PADI2: variants seen among roughly 807,000 people sequenced by gnomAD.
The protein encoded by PADI2 is protein-arginine deiminase type-2.
Under a neutral mutation model 81.1 loss-of-function variants are expected in PADI2, and 70 were observed. That is an observed-to-expected ratio of 0.86 (90% CI 0.71 to 1.05). The LOEUF is 1.05. PADI2 is among the 50% of genes least tolerant of loss of function. PADI2 has a pLI of 0.00. For synonymous variants in PADI2, 338 were observed against 358.0 expected, an observed-to-expected ratio of 0.94 and a Z score of 0.63; for missense variants, 853 against 889.9, an observed-to-expected ratio of 0.96 and a Z score of 0.53.
At chr1:17,069,654 T>C (rs2078250750) in intron 15 of PADI2, among the ~76,000 whole-genome samples, 2 of 36,808 alleles carry the variant, frequency 5.4e-5, no homozygotes, top group African/African-American at 1.2e-4. Flanking sequence ...TGCGTGCATG[T>C]GTGTTTCTGT....
chr1:17,072,286 T>C (rs904672031), intron 13 of PADI2, among the ~76,000 whole-genome samples: 1 of 152,170 alleles, frequency 6.6e-6, no homozygotes, highest in African/African-American at 2.4e-5. Flanking sequence ...GGTTTATAAC[T>C]GGACAGCAGT....
chr1:17,070,087 C>A lies in PADI2; in HGVS notation c.1764+1G>T. On this transcript the variant is annotated splice_donor_variant, in intron 15 of 15. Coordinates refer to ENST00000375486, the MANE Select transcript of PADI2 (RefSeq NM_007365.3). LOFTEE classifies it high-confidence loss of function. ...GAGGGTTGGGGTCTGCAGGGCCTCA[C>A]CATGTTTGGGAAGAAGGCTCTGGCA... 1 of 1,613,526 alleles carries A rather than the reference C, an allele frequency of 6.2e-7. No homozygotes were observed. Among genetic ancestry groups the A allele is most frequent in the Non-Finnish European group, 8.5e-7 (1 of 1,179,644 alleles).
At position 17,080,632 on chromosome 1, in the gene PADI2, A is replaced by T. The variant is rs75142468; in HGVS notation, c.1159-1217T>A. Among the ~76,000 whole-genome samples, 553 of 152,290 alleles carry T rather than the reference A, an allele frequency of 3.6e-3. 8 individuals carry two copies. The highest frequency in any genetic ancestry group is 0.013 in the African/African-American group (524 of 41,550). On this transcript the variant is annotated intron_variant, in intron 10 of 15. Coordinates refer to ENST00000375486, the MANE Select transcript of PADI2 (RefSeq NM_007365.3). ...ATACATGACATCTCAACCCAGTCTC[A>T]ACCTGCCAGACTTGCCACTGAGCCC...
chr1:17,076,002 A>G (rs2078299831), intron 11 of PADI2, among the ~76,000 whole-genome samples, 179 bp from the exon 12 acceptor site: 1 of 152,156 alleles, frequency 6.6e-6, no homozygotes. Context: ...TTTGAGTCCC[A>G]GGGGAAAGAG....
chr1:17,086,606 A>G lies in PADI2; in HGVS notation c.749T>C (p.Phe250Ser). The G allele has an allele frequency of 6.2e-7, 1 of 1,614,120 alleles. No homozygotes were observed. Among genetic ancestry groups the G allele is most frequent in the Non-Finnish European group, 8.5e-7 (1 of 1,179,992 alleles). The change falls in exon 7 of 16, where the codon TTC (phenylalanine) becomes TCC (serine). Residue 250 changes from phenylalanine to serine, a missense_variant. Physicochemically the swap from Phe to Ser is radical, Grantham distance 155. Coordinates refer to ENST00000375486, the MANE Select transcript of PADI2 (RefSeq NM_007365.3). ...KYTGGSAELL[F>S]FVEGLCFPDE... ...GGGGAAACAGAGGCCTTCCACGAAG[A>G]ACAGCAGCTCCGCGGAGCCACCCGT...
At chr1:17,084,285 G>A (rs1170872307) in intron 8 of PADI2, among the ~76,000 whole-genome samples, 1 of 152,250 alleles carries the variant, frequency 6.6e-6, no homozygotes, top group East Asian at 1.9e-4. Context: ...TTTAATGAAT[G>A]AGTCAGATGA....
chr1:17,077,023 G>A (rs1223662247), intron 11 of PADI2, among the ~76,000 whole-genome samples: 2 of 152,098 alleles, frequency 1.3e-5, no homozygotes, highest in East Asian at 1.9e-4. Context: ...CCCTTCCCCC[G>A]GTTCTGTCTG....
At chr1:17,111,082 CTTTTTT>C in intron 1 of PADI2, among the ~76,000 whole-genome samples, 1 of 93,892 alleles carries the variant, frequency 1.1e-5, no homozygotes, top group South Asian at 3.8e-4. Context: ...AAAGACAGAC[CTTTTTT>C]TTTTTTTTTT....
intron 3 of PADI2, among the ~76,000 whole-genome samples, chr1:17,098,666 G>A (rs771100213): frequency 2.6e-5 from 4 of 152,002 alleles, no homozygotes; most frequent in East Asian, 1.9e-4. Context: ...CTCCCTTATC[G>A]TCCTCCCAGC....
chr1:17,095,557 A>C (rs1386419047), intron 4 of PADI2, among the ~76,000 whole-genome samples: 2 of 152,206 alleles, frequency 1.3e-5, no homozygotes, highest in African/African-American at 4.8e-5. Flanking sequence ...CTCTGTCCTG[A>C]GGGTCTGTCT....
chr1:17,070,621 A>G (rs943346852), intron 14 of PADI2, among the ~76,000 whole-genome samples: 1 of 152,216 alleles, frequency 6.6e-6, no homozygotes, highest in Non-Finnish European at 1.5e-5. Context: ...TAGATTGCCT[A>G]TTTAAGCTCC....
rs750340570 is a variant in PADI2 at position 17,068,451 on chromosome 1, G to T, written c.*593C>A. 1 of 153,544 alleles carries T rather than the reference G, an allele frequency of 6.5e-6. No individual in the cohort carries two copies. The highest frequency in any genetic ancestry group is 2.4e-5 in the African/African-American group (1 of 41,468). The allele number at this position is 153,544 out of a possible 1,614,324, so 9.5% of individuals were successfully genotyped here. On this transcript the variant is annotated 3_prime_UTR_variant, in exon 16 of 16. Transcript: ENST00000375486. ...CTAAGCTAACTTACTGGACCCTCAG[G>T]GAGTGGGGAGGACTAGCCAACAGTG...
intron 4 of PADI2, among the ~76,000 whole-genome samples, chr1:17,093,891 C>G (rs1026580355): frequency 6.6e-6 from 1 of 152,178 alleles, no homozygotes; most frequent in Non-Finnish European, 1.5e-5. Flanking sequence ...GGCACAGAGA[C>G]AGGAAGGCTG....
intron 3 of PADI2, among the ~76,000 whole-genome samples, chr1:17,098,581 C>T (rs1010327905): frequency 1.3e-5 from 2 of 152,216 alleles, no homozygotes; most frequent in Non-Finnish European, 2.9e-5. Context: ...ATGCTTATTG[C>T]GATTTCCTGA....
chr1:17,092,120 A>T (rs908282946), intron 6 of PADI2, among the ~76,000 whole-genome samples: 1 of 151,936 alleles, frequency 6.6e-6, no homozygotes, highest in African/African-American at 2.4e-5. Flanking sequence ...AGGTGACATG[A>T]CTCCAGAAAA....
At chr1:17,102,807 C>T (rs1357927892) in intron 3 of PADI2, among the ~76,000 whole-genome samples, 180 bp downstream of exon 3, 1 of 152,060 alleles carries the variant, frequency 6.6e-6, no homozygotes, top group Admixed American at 6.5e-5. Flanking sequence ...AAGCCCCCAC[C>T]CCAGTATGGA....
chr1:17,078,840 T>A (rs1343355065), intron 11 of PADI2, among the ~76,000 whole-genome samples: 1 of 151,904 alleles, frequency 6.6e-6, no homozygotes, highest in Non-Finnish European at 1.5e-5. Context: ...GGACTACAGA[T>A]GCATGCCACC....
chr1:17,073,926 T>C (rs1323949266), intron 13 of PADI2, among the ~76,000 whole-genome samples: 1 of 152,206 alleles, frequency 6.6e-6, no homozygotes, highest in Non-Finnish European at 1.5e-5. Flanking sequence ...TAGAAGATAA[T>C]GTCTCACTTC....
chr1:17,080,482 C>G (rs960088223), intron 10 of PADI2, among the ~76,000 whole-genome samples: 1 of 152,170 alleles, frequency 6.6e-6, no homozygotes, highest in Non-Finnish European at 1.5e-5. Flanking sequence ...TGGCAGACCA[C>G]CAGCAGCAAT....
Sources: allele counts gnomAD v4.1 joint callset (sites outside exome capture counted in the v4.1 genomes callset), GRCh38; gene constraint gnomAD v4.1.1; transcripts MANE v1.5; gene names NCBI Gene and HGNC (gene_info 2026-07-23, HGNC 2026-07-21).